The following ST3GAL2 variants were observed in gnomAD, a reference collection of about 807,000 sequenced individuals.
ST3GAL2 encodes ST3 beta-galactoside alpha-2,3-sialyltransferase 2, also known as CMP-N-acetylneuraminate-beta-galactosamide-alpha-2,3-sialyltransferase 2.
ST3GAL2 carries 16 observed loss-of-function variants against 37.5 expected under a neutral mutation model. The observed-to-expected ratio is 0.43, with a 90% confidence interval of 0.29 to 0.65. The LOEUF is 0.65. Ranked by LOEUF, ST3GAL2 falls within the 30% of genes least tolerant of loss-of-function variation. ST3GAL2 has a pLI of 0.17. For missense variants in ST3GAL2, 383 were observed against 487.8 expected (o/e 0.79, Z 2.02); for synonymous variants, 238 against 202.9 (o/e 1.17, Z -1.47).
chr16:70,407,990 G>C (rs1327515278), intron 1 of ST3GAL2, among the ~76,000 whole-genome samples: 1 of 152,062 alleles, frequency 6.6e-6, no homozygotes, highest in African/African-American at 2.4e-5. Context: ...GGAGAAAGAC[G>C]AAAGATAAAG....
intron 2 of ST3GAL2, 80 bp downstream of exon 2, chr16:70,398,112 G>T (rs760204444): frequency 2.0e-5 from 30 of 1,470,616 alleles, no homozygotes; most frequent in African/African-American, 2.8e-5. Flanking sequence ...CAAGGCTCTG[G>T]GGGCCAGAAA....
At chr16:70,423,766 T>C (rs1335775249) in intron 1 of ST3GAL2, among the ~76,000 whole-genome samples, 7 of 143,440 alleles carry the variant, frequency 4.9e-5, no homozygotes, top group Admixed American at 1.4e-4. Context: ...AACCTCCACC[T>C]CCTGGGTTAA....
chr16:70,404,814 C>A (rs2047578275), intron 1 of ST3GAL2, among the ~76,000 whole-genome samples: 1 of 152,120 alleles, frequency 6.6e-6, no homozygotes, highest in South Asian at 2.1e-4. Context: ...ATGGGCAGAT[C>A]ACGAGGTCAA....
Position 70,380,969 on chromosome 16 carries a change from C to G in ST3GAL2, c.*720G>C, listed in dbSNP as rs1597552026. 1 of 152,986 alleles carries G rather than the reference C, an allele frequency of 6.5e-6. No individual in the cohort carries two copies. The highest frequency in any genetic ancestry group is 1.5e-5 in the Non-Finnish European group (1 of 68,682). 9.5% of individuals were successfully genotyped at this position (152,986 alleles called of 1,614,324 possible). Reference sequence around the variant, plus strand: ...GGTGAACGGGAGGGTCGAGGGCACACGTGAGTGACAGCACCTTGCACTGAA... The same window carrying G: ...GGTGAACGGGAGGGTCGAGGGCACAGGTGAGTGACAGCACCTTGCACTGAA... On this transcript the variant is annotated 3_prime_UTR_variant, in exon 7 of 7. Transcript: ENST00000342907.
In ST3GAL2 at chr16:70,398,966, G is replaced by A. The variant is rs2047536724; in HGVS notation, c.-436C>T. On this transcript the variant is annotated 5_prime_UTR_variant, in exon 2 of 7. Coordinates refer to ENST00000342907, the MANE Select transcript of ST3GAL2 (RefSeq NM_006927.4). ...CTTGTGGTTCATGAGCAGACAATGA[G>A]GCGGCCCCTCGTTCCCGGCAGCGGG... is the stretch of plus-strand genomic sequence containing the variant. The A allele has an allele frequency of 4.8e-6, 2 of 414,380 alleles. No homozygotes were observed. Among genetic ancestry groups the A allele is most frequent in the Non-Finnish European group, 8.5e-6 (2 of 234,786 alleles). 25.7% of individuals were successfully genotyped at this position (414,380 alleles called of 1,614,324 possible).
At chr16:70,408,006 C>G (rs1326105722) in intron 1 of ST3GAL2, among the ~76,000 whole-genome samples, 2 of 152,146 alleles carry the variant, frequency 1.3e-5, no homozygotes, top group Non-Finnish European at 2.9e-5. Flanking sequence ...TAAAGCCCCT[C>G]TCCACCCACT....
chr16:70,415,390 G>T lies in ST3GAL2; in HGVS notation c.-1003-15857C>A, dbSNP rs778574793. On this transcript the variant is annotated intron_variant, in intron 1 of 6. Transcript: ENST00000342907. ...GATTACAGCCCTCCGGGCGGCACGG[G>T]GAAGGTCACAAGAAACGGATAAACC... 4.6e-5 allele frequency among the ~76,000 whole-genome samples: 7 copies of T among 152,290 alleles called. No individual in the cohort carries two copies. In the South Asian group the frequency reaches 8.3e-4, roughly 18 times the overall value.
chr16:70,415,154 A>G lies in ST3GAL2; in HGVS notation c.-1003-15621T>C, dbSNP rs560540127. ...CTCCCAAAGTGCTGGGATTACAGGC[A>G]TGAGCCATCACGCCCAGCCAATTTT... On this transcript the variant is annotated intron_variant, in intron 1 of 6. Coordinates refer to ENST00000342907, the MANE Select transcript of ST3GAL2 (RefSeq NM_006927.4). 3.3e-5 allele frequency among the ~76,000 whole-genome samples: 5 copies of G among 152,064 alleles called. No homozygotes were observed. In the South Asian group the frequency reaches 1.0e-3, roughly 32 times the overall value.
At chr16:70,386,049 G>A (rs950601438) in intron 4 of ST3GAL2, among the ~76,000 whole-genome samples, 4 of 151,712 alleles carry the variant, frequency 2.6e-5, no homozygotes, top group African/African-American at 7.3e-5. Context: ...TTTTTGAGAC[G>A]GAATCTCTGT....
Position 70,381,871 on chromosome 16 carries a change from A to T in ST3GAL2, c.880-9T>A, listed in dbSNP as rs1039558608. 6.2e-7 allele frequency: 1 copy of T among 1,612,542 alleles called. No homozygotes were observed. The highest frequency in any genetic ancestry group is 1.3e-5 in the African/African-American group (1 of 74,852). ...AACCCGTACACGTTCACCTGCGGGGAAGCGCAGCGGAGCGTCACCCCAGGC... is the reference window on the plus strand; with the variant it reads ...AACCCGTACACGTTCACCTGCGGGGTAGCGCAGCGGAGCGTCACCCCAGGC... On this transcript the variant is annotated splice_polypyrimidine_tract_variant and intron_variant, in intron 6 of 6. Transcript: ENST00000342907.
At chr16:70,394,350 G>T (rs1267506632) in intron 3 of ST3GAL2, among the ~76,000 whole-genome samples, 2 of 152,164 alleles carry the variant, frequency 1.3e-5, no homozygotes, top group African/African-American at 2.4e-5. Context: ...AGCTGCTGAG[G>T]GGATGAGGAG....
At chr16:70,417,174 C>T (rs1331933021) in intron 1 of ST3GAL2, among the ~76,000 whole-genome samples, 3 of 152,204 alleles carry the variant, frequency 2.0e-5, no homozygotes, top group Non-Finnish European at 2.9e-5. Context: ...GCTCTACCTC[C>T]ATGGCTATGG....
chr16:70,388,866 C>T (rs1324886130), intron 3 of ST3GAL2, among the ~76,000 whole-genome samples: 1 of 149,154 alleles, frequency 6.7e-6, no homozygotes, highest in African/African-American at 2.5e-5. Context: ...AGTTCGAGAC[C>T]AGCCTTAGCC....
chr16:70,405,574 A>G (rs1332845396), intron 1 of ST3GAL2, among the ~76,000 whole-genome samples: 2 of 151,118 alleles, frequency 1.3e-5, no homozygotes, highest in East Asian at 1.9e-4. Flanking sequence ...AAAGGAAAAA[A>G]AGGAATAAGG....
In ST3GAL2 at chr16:70,398,378, C is replaced by A; in HGVS notation, c.153G>T (p.Val51=). The A allele has an allele frequency of 6.2e-7, 1 of 1,613,532 alleles. No homozygotes were observed. The highest frequency in any genetic ancestry group is 8.5e-7 in the Non-Finnish European group (1 of 1,180,010). ...ALDGTHRVKL[V]PGYAGLQRLS... is the part of the protein sequence containing the mutation. The stretch of plus-strand genomic sequence containing the variant: ...GGCGCTGCAGGCCGGCATAGCCGGG[C>A]ACCAGCTTCACCCGGTGCGTCCCAT... Residue 51 remains valine, a synonymous_variant, in exon 2 of 7, where the codon GTG becomes GTT. Coordinates refer to ENST00000342907, the MANE Select transcript of ST3GAL2 (RefSeq NM_006927.4).
rs2047344980 is a variant in ST3GAL2, at chr16:70,376,238, T to C, written c.*5451A>G. Reference sequence around the variant, plus strand: ...CTCCGTGATTCACTTCATATGTTTATGTATTGGTTGAATTATTTTTGTAAT... The same window carrying C: ...CTCCGTGATTCACTTCATATGTTTACGTATTGGTTGAATTATTTTTGTAAT... On this transcript the variant is annotated 3_prime_UTR_variant, in exon 7 of 7. Transcript: ENST00000342907. 6.6e-6 allele frequency: 1 copy of C among 152,206 alleles called. No individual in the cohort carries two copies. 9.4% of individuals were successfully genotyped at this position (152,206 alleles called of 1,614,324 possible). A position where few individuals can be genotyped will look rare whatever the true frequency, so the allele number is the denominator to read the frequency against.
At chr16:70,397,669 T>C (rs1449007859) in intron 2 of ST3GAL2, among the ~76,000 whole-genome samples, 1 of 152,120 alleles carries the variant, frequency 6.6e-6, no homozygotes, top group Non-Finnish European at 1.5e-5. Context: ...GAAGTTACAG[T>C]GAGCCATCAC....
At chr16:70,386,011 A>G (rs1238729867) in intron 4 of ST3GAL2, among the ~76,000 whole-genome samples, 1 of 151,686 alleles carries the variant, frequency 6.6e-6, no homozygotes, top group African/African-American at 2.4e-5. Context: ...CCGGCAGAAC[A>G]TGAAAATTTT....
intron 4 of ST3GAL2, among the ~76,000 whole-genome samples, 200 bp from the exon 5 acceptor site, chr16:70,383,435 T>C (rs1016928411): frequency 1.3e-4 from 20 of 151,144 alleles, no homozygotes; most frequent in Middle Eastern, 3.4e-3. Flanking sequence ...AAAACAAAAA[T>C]TAGCTGGGTG....
Sources: gnomAD v4.1 joint callset for allele counts (sites outside exome capture counted in the v4.1 genomes callset) on GRCh38, gnomAD v4.1.1 for gene constraint, MANE v1.5 for transcripts, NCBI Gene and HGNC (gene_info 2026-07-23, HGNC 2026-07-21) for gene names.